PMFBP1: variants seen among roughly 807,000 people sequenced by gnomAD.
PMFBP1 encodes polyamine-modulated factor 1-binding protein 1.
Under a neutral mutation model 137.8 loss-of-function variants are expected in PMFBP1, and 131 were observed. The ratio of observed to expected loss-of-function variants is 0.95; its 90% CI spans 0.82 to 1.10. PMFBP1 has a LOEUF of 1.10. Ranked by LOEUF, PMFBP1 falls within the 50% of genes least tolerant of loss-of-function variation. PMFBP1 has a pLI of 0.00. For synonymous variants in PMFBP1, 490 were observed against 450.4 expected, an observed-to-expected ratio of 1.09 and a Z score of -1.11; for missense variants, 1,199 against 1,175.4, an observed-to-expected ratio of 1.02 and a Z score of -0.29.
At chr16:72,203,030 C>T in the PMFBP1 span, among the ~76,000 whole-genome samples, 5 of 152,202 alleles carry the variant, frequency 3.3e-5, no homozygotes, top group African/African-American at 1.2e-4. Context: ...TGGCCTCCCT[C>T]AGTCCTACAG....
chr16:72,135,345 TTG>T (rs200488023), intron 9 of PMFBP1, among the ~76,000 whole-genome samples: 5 of 103,718 alleles, frequency 4.8e-5, no homozygotes, highest in African/African-American at 8.7e-5. Flanking sequence ...CTGGCTAATT[TTG>T]TGTGTGTGTG....
At chr16:72,209,285 G>A in the PMFBP1 span, among the ~76,000 whole-genome samples, 1 of 152,272 alleles carries the variant, frequency 6.6e-6, no homozygotes, top group East Asian at 1.9e-4. Context: ...TGCCAAACAT[G>A]CCCATTAGCT....
At chr16:72,122,817 C>T in intron 19 of PMFBP1, 97 bp downstream of exon 19, 1 of 1,150,254 alleles carries the variant, frequency 8.7e-7, no homozygotes, top group Non-Finnish European at 1.3e-6. Context: ...CTTTCCTGGG[C>T]TGATCCCCCT....
the PMFBP1 span, among the ~76,000 whole-genome samples, chr16:72,194,966 C>T: frequency 1.3e-5 from 2 of 152,188 alleles, no homozygotes; most frequent in Non-Finnish European, 2.9e-5. Flanking sequence ...CCATAGTGTT[C>T]CTTCATTCTG....
chr16:72,223,397 C>A, the PMFBP1 span, among the ~76,000 whole-genome samples: 2 of 152,152 alleles, frequency 1.3e-5, no homozygotes, highest in Non-Finnish European at 2.9e-5. Flanking sequence ...TCTGTTGGCT[C>A]ATCCTTAATT....
chr16:72,202,706 C>A, the PMFBP1 span, among the ~76,000 whole-genome samples: 1 of 152,224 alleles, frequency 6.6e-6, no homozygotes, highest in East Asian at 1.9e-4. Flanking sequence ...CACGCATCCT[C>A]CTCCTGACTG....
At chr16:72,130,981 T>G (rs2042541595) in intron 10 of PMFBP1, among the ~76,000 whole-genome samples, 1 of 152,178 alleles carries the variant, frequency 6.6e-6, no homozygotes, top group African/African-American at 2.4e-5. Flanking sequence ...ACTCATTCTG[T>G]CACTGGGGAC....
At chr16:72,205,057 C>T in the PMFBP1 span, among the ~76,000 whole-genome samples, 1 of 152,210 alleles carries the variant, frequency 6.6e-6, no homozygotes, top group African/African-American at 2.4e-5. Flanking sequence ...GACAGGATGA[C>T]AGGCCAGGAC....
chr16:72,164,358 T>C, intron 3 of PMFBP1: 1 of 1,254,654 alleles, frequency 8.0e-7, no homozygotes, highest in Non-Finnish European at 1.0e-6. Context: ...GCTACCCCAA[T>C]GGACACTGAT....
At chr16:72,128,482 C>G in intron 14 of PMFBP1, 175 bp downstream of exon 14, 2 of 1,538,720 alleles carry the variant, frequency 1.3e-6, no homozygotes, top group Non-Finnish European at 1.7e-6. Context: ...AAACATTTCT[C>G]TGGCTCAGCA....
the PMFBP1 span, among the ~76,000 whole-genome samples, chr16:72,201,365 C>A: frequency 6.6e-6 from 1 of 152,194 alleles, no homozygotes; most frequent in East Asian, 1.9e-4. Context: ...GTTACAGGAA[C>A]TATGTCCACA....
chr16:72,205,850 C>T, the PMFBP1 span, among the ~76,000 whole-genome samples: 3 of 152,170 alleles, frequency 2.0e-5, no homozygotes. Flanking sequence ...ATAACCTAAG[C>T]AGGTACGTTC....
At chr16:72,155,520 C>G (rs568526792) in intron 3 of PMFBP1, among the ~76,000 whole-genome samples, 12 of 152,138 alleles carry the variant, frequency 7.9e-5, no homozygotes, top group Non-Finnish European at 1.6e-4. Flanking sequence ...CATGTTTGCT[C>G]TTATGGGGCC....
At position 72,130,359 on chromosome 16, in the gene PMFBP1, T is replaced by G. The variant is rs201501900; in HGVS notation, c.1638-2A>C. ...AATGACAGCTCCTCCACCCGTTTTC[T>G]AAAGCAAAATAACAGCCACAGGAGG... On this transcript the variant is annotated splice_acceptor_variant, in intron 11 of 20. Transcript: ENST00000237353. LOFTEE classifies it high-confidence loss of function. 1 of 1,614,194 alleles carries G rather than the reference T, an allele frequency of 6.2e-7. No homozygotes were observed. The highest frequency in any genetic ancestry group is 2.2e-5 in the East Asian group (1 of 44,888).
intron 14 of PMFBP1, 78 bp downstream of exon 14, chr16:72,128,579 G>A: frequency 6.2e-7 from 1 of 1,612,060 alleles, no homozygotes; most frequent in Non-Finnish European, 8.5e-7. Context: ...TCTGTGTGGA[G>A]GAGAGGTGGG....
At chr16:72,209,156 G>T in the PMFBP1 span, among the ~76,000 whole-genome samples, 2 of 152,182 alleles carry the variant, frequency 1.3e-5, no homozygotes, top group Non-Finnish European at 2.9e-5. Flanking sequence ...GTCTCTTAAA[G>T]AAGAGCGTAC....
At chr16:72,184,089 T>C in the PMFBP1 span, among the ~76,000 whole-genome samples, 1 of 152,204 alleles carries the variant, frequency 6.6e-6, no homozygotes, top group Non-Finnish European at 1.5e-5. Flanking sequence ...CCAGATTTCC[T>C]CCTGCTCTTC....
intron 5 of PMFBP1, among the ~76,000 whole-genome samples, chr16:72,149,207 G>A (rs780969959): frequency 2.6e-5 from 4 of 152,150 alleles, no homozygotes; most frequent in South Asian, 2.1e-4. Context: ...ACCAGTAAAC[G>A]TTATCTCCCT....
rs757222152 is a variant in PMFBP1, at chr16:72,130,645, T to A, written c.1525A>T (p.Lys509Ter). ...HLEDTQRKLQ[K>*]GLLLDKQKAD... ...TTCTGCTTGTCCAGGAGGAGACCCT[T>A]CTGCAGTTTCCTCTGGGTGTCCTCC... Residue 509 changes from lysine to a stop codon, truncating the protein, a stop_gained, in exon 11 of 21, where the codon AAG (lysine) becomes TAG (stop). Coordinates refer to ENST00000237353, the MANE Select transcript of PMFBP1 (RefSeq NM_031293.3). LOFTEE classifies it high-confidence loss of function. 1 of 1,613,978 alleles carries A rather than the reference T, an allele frequency of 6.2e-7. No individual in the cohort carries two copies. Among genetic ancestry groups the A allele is most frequent in the Non-Finnish European group, 8.5e-7 (1 of 1,179,972 alleles).
Sources: allele counts gnomAD v4.1 joint callset (sites outside exome capture counted in the v4.1 genomes callset), GRCh38; gene constraint gnomAD v4.1.1; transcripts MANE v1.5; gene names NCBI Gene and HGNC (gene_info 2026-07-23, HGNC 2026-07-21).